The following UGGT2 variants were observed in gnomAD, a reference collection of about 807,000 sequenced individuals.
The protein encoded by UGGT2 is UDP-glucose:glycoprotein glucosyltransferase 2.
Under a neutral mutation model 192.1 loss-of-function variants are expected in UGGT2, and 180 were observed. That is an observed-to-expected ratio of 0.94 (90% CI 0.83 to 1.06). The LOEUF (loss-of-function observed/expected upper bound fraction) is 1.06, where lower values mean the gene tolerates loss of function less well. Among genes scored for constraint, UGGT2 ranks in the 50% least tolerant of loss-of-function variants. UGGT2 has a pLI of 0.00. For synonymous variants in UGGT2, 580 were observed against 591.0 expected, an observed-to-expected ratio of 0.98 and a Z score of 0.27; for missense variants, 1,849 against 1,795.7, an observed-to-expected ratio of 1.03 and a Z score of -0.54.
At chr13:95,807,351 G>T (rs1280904048) in intron 38 of UGGT2, among the ~76,000 whole-genome samples, 1 of 152,076 alleles carries the variant, frequency 6.6e-6, no homozygotes, top group Non-Finnish European at 1.5e-5. Flanking sequence ...AGGTAGAAGG[G>T]GAGGCAGCAG....
intron 38 of UGGT2, among the ~76,000 whole-genome samples, chr13:95,824,527 A>G (rs1237913534): frequency 6.6e-6 from 1 of 152,094 alleles, no homozygotes; most frequent in Non-Finnish European, 1.5e-5. Flanking sequence ...GATTAATCAA[A>G]AGCCTATCTT....
chr13:95,919,542 C>G (rs569381480), intron 20 of UGGT2, among the ~76,000 whole-genome samples: 2 of 152,108 alleles, frequency 1.3e-5, no homozygotes, highest in African/African-American at 4.8e-5. Flanking sequence ...AATCAATGTG[C>G]AAAAATCTCT....
intron 20 of UGGT2, among the ~76,000 whole-genome samples, chr13:95,910,434 C>T (rs2048453686): frequency 6.6e-6 from 1 of 152,058 alleles, no homozygotes; most frequent in Admixed American, 6.5e-5. Context: ...GCAGGGGTTG[C>T]AATCCTAGTC....
chr13:95,808,722 T>C (rs944886992), intron 38 of UGGT2, among the ~76,000 whole-genome samples: 2 of 152,214 alleles, frequency 1.3e-5, no homozygotes, highest in African/African-American at 4.8e-5. Flanking sequence ...AGCTGTTAAA[T>C]ACGTCCTACC....
chr13:96,042,006 C>T (rs1040186427), intron 1 of UGGT2, among the ~76,000 whole-genome samples: 1 of 152,144 alleles, frequency 6.6e-6, no homozygotes, highest in Non-Finnish European at 1.5e-5. Context: ...GCCTGATCCT[C>T]CCCATACTAC....
In UGGT2 at chr13:95,891,381, C is replaced by T. The variant is rs570557834; in HGVS notation, c.2856-417G>A. Among the ~76,000 whole-genome samples, 3 of 152,052 alleles carry T rather than the reference C, an allele frequency of 2.0e-5. No homozygotes were observed. In the South Asian group the frequency reaches 6.2e-4, roughly 32 times the overall value. On this transcript the variant is annotated intron_variant, in intron 24 of 38. Coordinates refer to ENST00000376747, the MANE Select transcript of UGGT2 (RefSeq NM_020121.4). ...TATTAAATTTAGTATTTCAAAAAAT[C>T]AATATACTATAACAGGTAAGTTCAG...
chr13:95,964,595 ACAACT>A lies in UGGT2; in HGVS notation c.1335+5512_1335+5516del, dbSNP rs2050507164. Among the ~76,000 whole-genome samples the A allele has an allele frequency of 2.0e-5, 3 of 152,208 alleles. 1 individual carries two copies. Among genetic ancestry groups the A allele is most frequent in the African/African-American group, 7.2e-5 (3 of 41,460 alleles). ...TATTAAGAATATACAAGGAAGTTGA[ACAACT>A]CAACAATAAAATAAACAATCTTATT... On this transcript the variant is annotated intron_variant, in intron 12 of 38. Transcript: ENST00000376747.
chr13:95,837,399 A>T (rs566824729), intron 36 of UGGT2, among the ~76,000 whole-genome samples, 197 bp from the exon 37 acceptor site: 2 of 152,310 alleles, frequency 1.3e-5, no homozygotes, highest in Non-Finnish European at 2.9e-5. Flanking sequence ...CATGCACTGG[A>T]ATATACCTAC....
At chr13:95,989,807 G>A (rs2051402410) in intron 8 of UGGT2, among the ~76,000 whole-genome samples, 166 bp downstream of exon 8, 1 of 151,972 alleles carries the variant, frequency 6.6e-6, no homozygotes, top group Admixed American at 6.6e-5. Context: ...TTGCTTGAGG[G>A]ATGATCTGTT....
At chr13:95,930,109 T>C (rs765384925) in intron 17 of UGGT2, among the ~76,000 whole-genome samples, 10 of 152,236 alleles carry the variant, frequency 6.6e-5, no homozygotes, top group Non-Finnish European at 7.3e-5. Flanking sequence ...TAATGTCATT[T>C]GCCTACTTTT....
rs979067068 is a variant in UGGT2 at position 95,888,419 on chromosome 13, T to C, written c.2959-448A>G. 8.5e-5 allele frequency among the ~76,000 whole-genome samples: 13 copies of C among 152,180 alleles called. 1 individual carries two copies. The highest frequency in any genetic ancestry group is 4.1e-4 in the South Asian group (2 of 4,826). Reference sequence around the variant, plus strand: ...AATACTTTCTTTTCATTTCCCTGGATAGTAAGAAGTAGAGGAAGAATTACT... The same window carrying C: ...AATACTTTCTTTTCATTTCCCTGGACAGTAAGAAGTAGAGGAAGAATTACT... On this transcript the variant is annotated intron_variant, in intron 25 of 38. Transcript: ENST00000376747.
chr13:95,863,769 A>T, intron 30 of UGGT2, 55 bp from the exon 31 acceptor site: 4 of 1,401,510 alleles, frequency 2.9e-6, no homozygotes, highest in Non-Finnish European at 4.0e-6. Flanking sequence ...ATTGTGCTGT[A>T]TGGTTAGAAA....
chr13:95,859,154 A>G (rs1183716133), intron 33 of UGGT2, among the ~76,000 whole-genome samples: 7 of 152,156 alleles, frequency 4.6e-5, no homozygotes, highest in African/African-American at 1.7e-4. Context: ...CCAGCAATCA[A>G]TACACTACAC....
intron 13 of UGGT2, 147 bp downstream of exon 13, chr13:95,949,188 G>T: frequency 3.0e-6 from 2 of 662,588 alleles, no homozygotes; most frequent in Non-Finnish European, 4.5e-6. Flanking sequence ...TTGATACCCA[G>T]TCAGCCATGC....
chr13:95,879,803 C>T (rs2047441196), intron 27 of UGGT2, among the ~76,000 whole-genome samples: 1 of 152,106 alleles, frequency 6.6e-6, no homozygotes, highest in Non-Finnish European at 1.5e-5. Context: ...TTTCCATCTT[C>T]CCTTTATATT....
At chr13:95,984,440 T>C (rs1386820466) in intron 9 of UGGT2, among the ~76,000 whole-genome samples, 2 of 152,120 alleles carry the variant, frequency 1.3e-5, no homozygotes, top group African/African-American at 4.8e-5. Flanking sequence ...GTGATTCTCC[T>C]GCCTCAGCCT....
At chr13:95,916,396 G>A (rs867580612) in intron 20 of UGGT2, among the ~76,000 whole-genome samples, 16 of 152,184 alleles carry the variant, frequency 1.1e-4, no homozygotes, top group Non-Finnish European at 1.6e-4. Context: ...CCCATTCAAA[G>A]GTCAGCAATC....
At chr13:95,901,004 TA>T (rs1368195494) in intron 21 of UGGT2, 66 bp from the exon 22 acceptor site, 3 of 1,141,872 alleles carry the variant, frequency 2.6e-6, no homozygotes, top group Non-Finnish European at 1.1e-6. Context: ...TCATTTTGTT[TA>T]AAAAACTAAT....
At position 95,972,604 on chromosome 13, in the gene UGGT2, T is replaced by A; in HGVS notation, c.1160A>T (p.Asp387Val). The change falls in exon 11 of 39, where the codon GAT becomes GTT. Residue 387 changes from aspartate (D) to valine (V), a missense_variant. By Grantham distance (152) the Asp-to-Val change is radical. Coordinates refer to ENST00000376747, the MANE Select transcript of UGGT2 (RefSeq NM_020121.4). ...CCTAAAAGCGTCATAAACATCCATA[T>A]CAACACGAAGGCCATTTATAAATAG... is the stretch of plus-strand genomic sequence containing the variant. ...ARLFINGLRV[D>V]MDVYDAFSIL... The A allele has an allele frequency of 1.2e-6, 2 of 1,613,632 alleles. No homozygotes were observed. Among genetic ancestry groups the A allele is most frequent in the Non-Finnish European group, 1.7e-6 (2 of 1,179,736 alleles).
Sources: gnomAD v4.1 joint callset for allele counts (sites outside exome capture counted in the v4.1 genomes callset) on GRCh38, gnomAD v4.1.1 for gene constraint, MANE v1.5 for transcripts, NCBI Gene and HGNC (gene_info 2026-07-23, HGNC 2026-07-21) for gene names.